Variants in ZNF804B observed in about 807,000 individuals in gnomAD.
ZNF804B encodes the protein zinc finger 804B.
Under a neutral mutation model 101.4 loss-of-function variants are expected in ZNF804B, and 80 were observed. The ratio of observed to expected loss-of-function variants is 0.79; its 90% CI spans 0.66 to 0.95. The LOEUF is 0.95. Ranked by LOEUF, ZNF804B falls within the 40% of genes least tolerant of loss-of-function variation. The pLI, the probability that ZNF804B is intolerant of heterozygous loss-of-function variation, is 0.00. For missense variants in ZNF804B, 1,673 were observed against 1,561.9 expected (o/e 1.07, Z -1.20); for synonymous variants, 622 against 558.8 (o/e 1.11, Z -1.59).
intron 1 of ZNF804B, among the ~76,000 whole-genome samples, chr7:89,131,385 T>C (rs1440698639): frequency 6.6e-6 from 1 of 151,992 alleles, no homozygotes; most frequent in Non-Finnish European, 1.5e-5. Flanking sequence ...TAGTGAGAAG[T>C]AATAAAATAT....
intron 2 of ZNF804B, among the ~76,000 whole-genome samples, chr7:89,265,464 A>G (rs1789778980): frequency 6.6e-6 from 1 of 151,046 alleles, no homozygotes; most frequent in Non-Finnish European, 1.5e-5. Flanking sequence ...TTTAATTTGC[A>G]TAGAGGGAAG....
chr7:89,021,167 C>T lies in ZNF804B; in HGVS notation c.109-196988C>T, dbSNP rs569937873. 1.8e-4 allele frequency among the ~76,000 whole-genome samples: 27 copies of T among 152,144 alleles called. 1 individual carries two copies. The South Asian group carries it at 2.1e-3, about 12-fold the overall frequency. The stretch of plus-strand genomic sequence containing the variant: ...TAGAATATCAGTTGAATGAGGTGCA[C>T]GGGCTTTGATTCTAGGTGGATGCAG... On this transcript the variant is annotated intron_variant, in intron 1 of 3. Transcript: ENST00000333190.
intron 1 of ZNF804B, among the ~76,000 whole-genome samples, chr7:89,071,432 A>AAAGTC (rs1466971289): frequency 6.6e-6 from 1 of 152,218 alleles, no homozygotes; most frequent in Admixed American, 6.5e-5. Flanking sequence ...ATTAATTAAG[A>AAAGTC]AAGTCTTTAC....
intron 1 of ZNF804B, among the ~76,000 whole-genome samples, chr7:88,779,954 A>G (rs1477792916): frequency 6.6e-6 from 1 of 152,182 alleles, no homozygotes; most frequent in Non-Finnish European, 1.5e-5. Context: ...CCAACTGGTC[A>G]TTCATTCATT....
At chr7:88,796,497 C>G (rs899202114) in intron 1 of ZNF804B, among the ~76,000 whole-genome samples, 1 of 152,126 alleles carries the variant, frequency 6.6e-6, no homozygotes, top group African/African-American at 2.4e-5. Context: ...TAGTTATTAT[C>G]TCACTCTCAT....
At chr7:89,313,724 T>A (rs1330071588) in intron 2 of ZNF804B, among the ~76,000 whole-genome samples, 4 of 152,204 alleles carry the variant, frequency 2.6e-5, no homozygotes, top group African/African-American at 9.7e-5. Flanking sequence ...TTTTTACAAA[T>A]ATGTTTCTAT....
intron 1 of ZNF804B, among the ~76,000 whole-genome samples, chr7:88,855,483 C>A (rs1253849496): frequency 6.6e-6 from 1 of 151,870 alleles, no homozygotes; most frequent in Admixed American, 6.6e-5. Flanking sequence ...TGTTTGAGTT[C>A]ATCGTAGATT....
intron 1 of ZNF804B, among the ~76,000 whole-genome samples, chr7:89,143,529 A>G (rs1384641610): frequency 6.6e-6 from 1 of 152,026 alleles, no homozygotes; most frequent in East Asian, 1.9e-4. Flanking sequence ...TTCATCTTCA[A>G]CATCAACTTA....
At chr7:88,898,072 T>C (rs1370010414) in intron 1 of ZNF804B, among the ~76,000 whole-genome samples, 1 of 112,484 alleles carries the variant, frequency 8.9e-6, no homozygotes, top group East Asian at 3.3e-4. Context: ...TACTTCTCCA[T>C]CTTTTTTTTT....
intron 2 of ZNF804B, among the ~76,000 whole-genome samples, chr7:89,325,896 AG>A (rs1459348421): frequency 6.6e-6 from 1 of 151,908 alleles, no homozygotes; most frequent in African/African-American, 2.4e-5. Context: ...AATTTCCAAA[AG>A]GTCTTTGCTT....
At chr7:89,212,001 G>A (rs766585344) in intron 1 of ZNF804B, among the ~76,000 whole-genome samples, 10 of 152,110 alleles carry the variant, frequency 6.6e-5, no homozygotes, top group Non-Finnish European at 1.3e-4. Context: ...CCATTTGTTT[G>A]TGTCCTCTCT....
At chr7:88,987,874 G>T (rs1486885275) in intron 1 of ZNF804B, among the ~76,000 whole-genome samples, 3 of 151,732 alleles carry the variant, frequency 2.0e-5, no homozygotes, top group Non-Finnish European at 4.4e-5. Context: ...CTGTATTTTT[G>T]GACCCATTAA....
chr7:89,318,637 C>T (rs925678637), intron 2 of ZNF804B, among the ~76,000 whole-genome samples: 1 of 152,144 alleles, frequency 6.6e-6, no homozygotes, highest in Non-Finnish European at 1.5e-5. Flanking sequence ...GTGGCGAGCA[C>T]CTGTAATCCC....
intron 1 of ZNF804B, among the ~76,000 whole-genome samples, chr7:89,096,111 C>T (rs181421589): frequency 3.8e-4 from 57 of 149,002 alleles, no homozygotes; most frequent in Non-Finnish European, 6.9e-4. Context: ...GTGGAGATCA[C>T]GCCACTGCAC....
At chr7:89,132,623 T>C (rs1294295200) in intron 1 of ZNF804B, among the ~76,000 whole-genome samples, 1 of 152,018 alleles carries the variant, frequency 6.6e-6, no homozygotes, top group East Asian at 1.9e-4. Flanking sequence ...ATATCAATTT[T>C]TTATGTGAGC....
intron 1 of ZNF804B, among the ~76,000 whole-genome samples, chr7:88,880,858 C>T (rs1228257309): frequency 2.0e-5 from 3 of 152,054 alleles, no homozygotes; most frequent in Non-Finnish European, 4.4e-5. Flanking sequence ...ACTGTTCTAA[C>T]ATCTATTACC....
intron 1 of ZNF804B, among the ~76,000 whole-genome samples, chr7:89,214,481 A>G (rs2115686692): frequency 6.6e-6 from 1 of 152,304 alleles, no homozygotes; most frequent in South Asian, 2.1e-4. Flanking sequence ...ATGACACTTC[A>G]TCTCTAAATA....
intron 1 of ZNF804B, among the ~76,000 whole-genome samples, chr7:88,948,600 C>T (rs929947582): frequency 6.6e-6 from 1 of 151,854 alleles, no homozygotes; most frequent in East Asian, 2.0e-4. Flanking sequence ...ATGCCACCAG[C>T]CTGCTCCTGC....
intron 1 of ZNF804B, among the ~76,000 whole-genome samples, chr7:89,019,744 A>T (rs1788633107): frequency 6.6e-6 from 1 of 151,820 alleles, no homozygotes; most frequent in South Asian, 2.1e-4. Flanking sequence ...GTTTCTTTTT[A>T]CAATTTTTGA....
Sources: allele counts gnomAD v4.1 joint callset (sites outside exome capture counted in the v4.1 genomes callset), GRCh38; gene constraint gnomAD v4.1.1; transcripts MANE v1.5; gene names NCBI Gene and HGNC (gene_info 2026-07-23, HGNC 2026-07-21).